AP3D1: variants seen among roughly 807,000 people sequenced by gnomAD.
AP3D1 encodes the protein AP-3 complex subunit delta-1.
A neutral mutation model predicts 147.6 loss-of-function variants in AP3D1; 51 were observed. The observed-to-expected ratio is 0.35, with a 90% CI of 0.28 to 0.44. AP3D1 has a LOEUF of 0.44. Among genes scored for constraint, AP3D1 ranks in the 20% least tolerant of loss-of-function variants. The pLI is 1.00. For missense variants in AP3D1, 1,421 were observed against 1,624.2 expected, an observed-to-expected ratio of 0.87 and a Z score of 2.15; for synonymous variants, 760 against 663.0, an observed-to-expected ratio of 1.15 and a Z score of -2.25.
intron 4 of AP3D1, 119 bp downstream of exon 4, chr19:2,136,892 T>G: frequency 1.1e-6 from 1 of 934,936 alleles, no homozygotes; most frequent in East Asian, 2.7e-5. Context: ...GAAGCCCCGC[T>G]CGCACTCAAG....
At chr19:2,142,109 C>T (rs1023538227) in intron 1 of AP3D1, among the ~76,000 whole-genome samples, 1 of 150,580 alleles carries the variant, frequency 6.6e-6, no homozygotes, top group Non-Finnish European at 1.5e-5. Flanking sequence ...CCTCCGCCTC[C>T]CGGGTTCAAG....
intron 27 of AP3D1, 74 bp downstream of exon 27, chr19:2,110,633 G>T: frequency 7.0e-7 from 1 of 1,422,458 alleles, no homozygotes; most frequent in East Asian, 2.5e-5. Flanking sequence ...AAGAACCAGC[G>T]GATCCGGGCA....
chr19:2,144,937 G>A (rs1446315283), intron 1 of AP3D1, among the ~76,000 whole-genome samples: 2 of 152,134 alleles, frequency 1.3e-5, no homozygotes, highest in South Asian at 4.2e-4. Context: ...AAACAAAAAC[G>A]CTTCTGGCTC....
intron 8 of AP3D1, among the ~76,000 whole-genome samples, chr19:2,127,513 GT>G (rs1000762370): frequency 5.3e-5 from 8 of 152,050 alleles, no homozygotes; most frequent in African/African-American, 1.4e-4. Context: ...CTTTTCTAGA[GT>G]TTTTTTTGTT....
At chr19:2,129,489 T>C in intron 6 of AP3D1, 32 bp from the exon 7 acceptor site, 3 of 1,599,774 alleles carry the variant, frequency 1.9e-6, no homozygotes, top group African/African-American at 2.7e-5. Flanking sequence ...TCAGCATGCC[T>C]GTCCTTCCAC....
intron 4 of AP3D1, among the ~76,000 whole-genome samples, chr19:2,135,735 G>A (rs925635119): frequency 6.6e-6 from 1 of 152,114 alleles, no homozygotes; most frequent in Admixed American, 6.5e-5. Context: ...GCAAGGCAGC[G>A]GCGGATCTAA....
intron 11 of AP3D1, among the ~76,000 whole-genome samples, chr19:2,123,001 C>G (rs146887498): frequency 6.6e-6 from 1 of 152,216 alleles, no homozygotes; most frequent in Admixed American, 6.5e-5. Flanking sequence ...CACGCACCCC[C>G]GCAAAAACAT....
At chr19:2,156,696 A>G (rs1397824461) in intron 1 of AP3D1, among the ~76,000 whole-genome samples, 1 of 152,064 alleles carries the variant, frequency 6.6e-6, no homozygotes, top group Non-Finnish European at 1.5e-5. Context: ...TAAAAATACA[A>G]AAATTAGCCA....
chr19:2,160,362 C>T lies in AP3D1; in HGVS notation c.-103+3994G>A, dbSNP rs537595694. Among the ~76,000 whole-genome samples, 6 of 152,206 alleles carry T rather than the reference C, an allele frequency of 3.9e-5. No homozygotes were observed. The East Asian group carries it at 1.2e-3, about 30-fold the overall frequency. On this transcript the variant is annotated intron_variant, in intron 1 of 14. Coordinates refer to the AP3D1 transcript ENST00000643010. ...TAGCCAACATGGTGAAACCCCATCT[C>T]TACTAAAAATACAAAAATCAGCCGG...
At chr19:2,138,375 A>C (rs2019131660) in intron 2 of AP3D1, among the ~76,000 whole-genome samples, 1 of 152,014 alleles carries the variant, frequency 6.6e-6, no homozygotes, top group African/African-American at 2.4e-5. Context: ...CCAGAAGAGG[A>C]CCCCATGGGG....
chr19:2,148,881 C>T (rs1019232429), intron 1 of AP3D1, among the ~76,000 whole-genome samples: 1 of 152,182 alleles, frequency 6.6e-6, no homozygotes, highest in Non-Finnish European at 1.5e-5. Context: ...GGAAACTATA[C>T]TGCTGCAGAA....
At chr19:2,135,647 C>T (rs1464186702) in intron 4 of AP3D1, among the ~76,000 whole-genome samples, 2 of 152,164 alleles carry the variant, frequency 1.3e-5, no homozygotes, top group African/African-American at 2.4e-5. Context: ...GGCCCACCTG[C>T]GTCCGAGGCC....
chr19:2,134,329 G>A (rs961283843), intron 4 of AP3D1, among the ~76,000 whole-genome samples: 1 of 152,038 alleles, frequency 6.6e-6, no homozygotes, highest in Non-Finnish European at 1.5e-5. Context: ...GCTAAGGTGG[G>A]GAGATCGCTT....
At chr19:2,164,051 G>C (rs1161887137) in intron 1 of AP3D1, 1 of 484,750 alleles carries the variant, frequency 2.1e-6, no homozygotes, top group African/African-American at 2.1e-5. Context: ...CGGCGGCGGC[G>C]GCCGAGGCCG....
intron 1 of AP3D1, among the ~76,000 whole-genome samples, chr19:2,157,875 T>C (rs1289695941): frequency 6.6e-6 from 1 of 152,238 alleles, no homozygotes; most frequent in African/African-American, 2.4e-5. Flanking sequence ...AAGAGCTTGC[T>C]CAAGTTTGTC....
In AP3D1 at chr19:2,109,971, G is replaced by A. The variant is rs2093338930; in HGVS notation, c.3265-13C>T. The A allele has an allele frequency of 1.2e-6, 2 of 1,613,298 alleles. No homozygotes were observed. Among genetic ancestry groups the A allele is most frequent in the Non-Finnish European group, 1.7e-6 (2 of 1,179,806 alleles). On this transcript the variant is annotated splice_polypyrimidine_tract_variant and intron_variant, in intron 28 of 31. Coordinates refer to ENST00000643116, the MANE Select transcript of AP3D1 (RefSeq NM_001261826.3). ...CACCCTCGTCATTCTGCGGTGGAGT[G>A]AAGGTGGTGCAGTTGAGAGGGGAGT... is the stretch of plus-strand genomic sequence containing the variant.
chr19:2,123,313 A>AGCTGGGGACACGAAAATGATAGC, intron 11 of AP3D1, 45 bp downstream of exon 11: 1 of 1,596,932 alleles, frequency 6.3e-7, no homozygotes, highest in African/African-American at 1.3e-5. Flanking sequence ...AACTTCACAG[A>AGCTGGGGACACGAAAATGATAGC]GCTGGGGACA....
At chr19:2,108,881 A>AGT in intron 30 of AP3D1, 115 bp from the exon 31 acceptor site, 1 of 1,348,592 alleles carries the variant, frequency 7.4e-7, no homozygotes, top group South Asian at 1.3e-5. Context: ...GGAGGCCTGT[A>AGT]GGAGCAGGGT....
At chr19:2,128,144 G>C (rs1050550700) in intron 8 of AP3D1, among the ~76,000 whole-genome samples, 2 of 152,144 alleles carry the variant, frequency 1.3e-5, no homozygotes, top group Non-Finnish European at 2.9e-5. Context: ...GGGGGCCGGG[G>C]AGGGGTCCTG....
Sources: gnomAD v4.1 joint callset for allele counts (sites outside exome capture counted in the v4.1 genomes callset) on GRCh38, gnomAD v4.1.1 for gene constraint, MANE v1.5 for transcripts, NCBI Gene and HGNC (gene_info 2026-07-23, HGNC 2026-07-21) for gene names.